The following FOCAD variants were observed in gnomAD, a reference collection of about 807,000 sequenced individuals.
FOCAD encodes focadhesin.
Under a neutral mutation model 225.6 loss-of-function variants are expected in FOCAD, and 198 were observed. The ratio of observed to expected loss-of-function variants is 0.88; its 90% CI spans 0.78 to 0.99. The LOEUF (loss-of-function observed/expected upper bound fraction) is 0.99. FOCAD is among the 50% of genes least tolerant of loss of function. The pLI is 0.00. For missense variants in FOCAD, 2,713 were observed against 2,123.6 expected (o/e 1.28, Z -5.46); for synonymous variants, 897 against 755.0 (o/e 1.19, Z -3.08).
chr9:20,739,795 A>G (rs556073192), intron 4 of FOCAD, among the ~76,000 whole-genome samples: 7 of 152,092 alleles, frequency 4.6e-5, no homozygotes, highest in South Asian at 4.1e-4. Context: ...TATTAGCTCT[A>G]TTTCGATGGG....
At chr9:20,781,662 A>G in intron 9 of FOCAD, 65 bp from the exon 10 acceptor site, 1 of 1,474,552 alleles carries the variant, frequency 6.8e-7, no homozygotes, top group Non-Finnish European at 9.4e-7. Flanking sequence ...TTCTTAAGCA[A>G]AATTGCATTT....
chr9:20,797,135 G>A (rs1238439861), intron 11 of FOCAD, among the ~76,000 whole-genome samples: 1 of 152,130 alleles, frequency 6.6e-6, no homozygotes, highest in African/African-American at 2.4e-5. Flanking sequence ...GTAGATGTGT[G>A]GCATTATTTC....
At chr9:20,858,286 G>A (rs1371219096) in intron 15 of FOCAD, among the ~76,000 whole-genome samples, 1 of 152,056 alleles carries the variant, frequency 6.6e-6, no homozygotes, top group Non-Finnish European at 1.5e-5. Context: ...GGCCGATTAA[G>A]GCTTTGGATT....
At chr9:20,930,764 C>T (rs79704275) in intron 27 of FOCAD, among the ~76,000 whole-genome samples, 1,695 of 152,256 alleles carry the variant, frequency 0.011, 31 homozygotes, top group East Asian at 0.045. Flanking sequence ...ATATTCATTT[C>T]GTCCTGTTCA....
At chr9:20,984,493 A>C (rs987815890) in intron 39 of FOCAD, among the ~76,000 whole-genome samples, 2 of 152,216 alleles carry the variant, frequency 1.3e-5, no homozygotes, top group Admixed American at 6.5e-5. Flanking sequence ...AATAATAAGA[A>C]ACCCATTATA....
intron 26 of FOCAD, among the ~76,000 whole-genome samples, chr9:20,928,765 A>T (rs1188505215): frequency 6.6e-6 from 1 of 152,162 alleles, no homozygotes; most frequent in African/African-American, 2.4e-5. Context: ...TTCCTTTTTA[A>T]TTAAAAGGAA....
intron 11 of FOCAD, among the ~76,000 whole-genome samples, chr9:20,810,151 G>C (rs1312835301): frequency 1.3e-5 from 2 of 152,246 alleles, no homozygotes; most frequent in East Asian, 3.9e-4. Context: ...AAACTTCCTA[G>C]AGTCCTTTCC....
At chr9:20,764,258 G>A (rs1358349815) in intron 6 of FOCAD, among the ~76,000 whole-genome samples, 1 of 152,056 alleles carries the variant, frequency 6.6e-6, no homozygotes, top group Non-Finnish European at 1.5e-5. Context: ...AGGTTGTCAG[G>A]TGATCCTTTT....
Position 20,926,405 on chromosome 9 carries a change from C to T in FOCAD, c.3066C>T (p.Ser1022=), listed in dbSNP as rs1433519697. The part of the protein sequence containing the change: ...SHYQPRGQLL[S]WFYYKSYSGE... The stretch of plus-strand genomic sequence containing the variant: ...ACCAACCCAGAGGGCAACTTCTCTC[C>T]TGGTTTTATTATGTAAGTGCAAAAA... Residue 1022 remains serine, a synonymous_variant, in exon 26 of 44, where the codon TCC becomes TCT. Transcript: ENST00000338382. 6.3e-7 allele frequency: 1 copy of T among 1,599,278 alleles called. No individual in the cohort carries two copies.
intron 35 of FOCAD, among the ~76,000 whole-genome samples, chr9:20,954,917 G>T (rs58067518): frequency 0.015 from 2,237 of 152,300 alleles, 42 homozygotes; most frequent in African/African-American, 0.05. Flanking sequence ...ACCAGACCCT[G>T]CTCTGTGGGG....
At position 20,778,723 on chromosome 9, in the gene FOCAD, C is replaced by T. The variant is rs771889913; in HGVS notation, c.949C>T (p.Leu317Phe). 10 of 1,612,272 alleles carry T rather than the reference C, an allele frequency of 6.2e-6. No homozygotes were observed. The South Asian group carries it at 8.8e-5, about 14-fold the overall frequency. ...GGTCATAATTGGAATAGCTTTACTACTTCTACAGACTCCAGCAAGTCAGCA... is the reference window on the plus strand; with the variant it reads ...GGTCATAATTGGAATAGCTTTACTATTTCTACAGACTCCAGCAAGTCAGCA... ...ELVIIGIALL[L>F]LQTPASQQKP... is the part of the protein sequence containing the mutation. The change falls in exon 9 of 44, where the codon CTT becomes TTT. Residue 317 changes from leucine to phenylalanine, a missense_variant. Coordinates refer to ENST00000338382, the MANE Select transcript of FOCAD (RefSeq NM_001375567.1).
intron 21 of FOCAD, among the ~76,000 whole-genome samples, chr9:20,896,538 A>G (rs1275317897): frequency 3.3e-5 from 5 of 151,902 alleles, no homozygotes; most frequent in Non-Finnish European, 7.4e-5. Flanking sequence ...AATTTCTTTA[A>G]TAGATACAGG....
chr9:20,744,282 T>C (rs1371158525), intron 5 of FOCAD, among the ~76,000 whole-genome samples: 8 of 152,204 alleles, frequency 5.3e-5, no homozygotes. Context: ...CCCAGACTTC[T>C]GCATTTTTAA....
rs779334790 is a variant in FOCAD at position 20,907,125 on chromosome 9, A to G, written c.2626-25A>G. ...CTTTTTTAATACTGTGTAGCCTAAT[A>G]TGTTGTGGTACATTTTTCCCATAGG... On this transcript the variant is annotated intron_variant, in intron 21 of 43. Coordinates refer to ENST00000338382, the MANE Select transcript of FOCAD (RefSeq NM_001375567.1). 1.6e-5 allele frequency: 25 copies of G among 1,550,060 alleles called. No individual in the cohort carries two copies. The South Asian group carries it at 2.8e-4, about 17-fold the overall frequency.
chr9:20,829,403 A>G (rs1430230293), intron 15 of FOCAD, among the ~76,000 whole-genome samples: 2 of 143,056 alleles, frequency 1.4e-5, no homozygotes, highest in African/African-American at 5.1e-5. Flanking sequence ...TAATACCAAC[A>G]CTTTTTATTA....
chr9:20,876,633 GA>G (rs1464869379), intron 19 of FOCAD, among the ~76,000 whole-genome samples: 1 of 152,176 alleles, frequency 6.6e-6, no homozygotes, highest in Non-Finnish European at 1.5e-5. Flanking sequence ...TGAGGTGGGT[GA>G]TCTAGATGCT....
intron 24 of FOCAD, among the ~76,000 whole-genome samples, chr9:20,919,276 CA>C (rs1463005208): frequency 6.6e-6 from 1 of 152,160 alleles, no homozygotes; most frequent in Non-Finnish European, 1.5e-5. Flanking sequence ...AGGACCTCTT[CA>C]AGGAGAACTA....
rs918739916 is a variant in FOCAD, at chr9:20,885,058, T to TA, written c.2504-44dup. The TA allele has an allele frequency of 1.2e-5, 14 of 1,125,044 alleles. No individual in the cohort carries two copies. The African/African-American group carries it at 1.5e-4, about 12-fold the overall frequency. The allele number at this position is 1,125,044 out of a possible 1,614,324, so 69.7% of individuals were successfully genotyped here. A position where few individuals can be genotyped will look rare whatever the true frequency, so the allele number is the denominator to read the frequency against. Reference sequence around the variant, plus strand: ...TGGGCAACAGAGTGAGATTCTGTCTTAAAAAAATAAAAATAAAAATAAAAT... The same window carrying TA: ...TGGGCAACAGAGTGAGATTCTGTCTTAAAAAAAATAAAAATAAAAATAAAAT... On this transcript the variant is annotated intron_variant, in intron 20 of 43. Coordinates refer to ENST00000338382, the MANE Select transcript of FOCAD (RefSeq NM_001375567.1).
At chr9:20,753,664 G>A (rs1305733228) in intron 5 of FOCAD, among the ~76,000 whole-genome samples, 10 of 152,204 alleles carry the variant, frequency 6.6e-5, no homozygotes, top group African/African-American at 2.4e-4. Context: ...TCAGGATGAT[G>A]CTGGCCTCAT....
Sources: allele counts gnomAD v4.1 joint callset (sites outside exome capture counted in the v4.1 genomes callset), GRCh38; gene constraint gnomAD v4.1.1; transcripts MANE v1.5; gene names NCBI Gene and HGNC (gene_info 2026-07-23, HGNC 2026-07-21).